Variants in CSMD2 observed in about 807,000 individuals in gnomAD.
The protein encoded by CSMD2 is CUB and sushi domain-containing protein 2.
A neutral mutation model predicts 398.5 loss-of-function variants in CSMD2; 130 were observed. The observed-to-expected ratio is 0.33, with a 90% CI of 0.28 to 0.38. The LOEUF (loss-of-function observed/expected upper bound fraction) is 0.38. CSMD2 is among the 10% of genes least tolerant of loss of function. The pLI, the probability that CSMD2 is intolerant of heterozygous loss-of-function variation, is 1.00. For synonymous variants in CSMD2, 1,828 were observed against 1,908.5 expected, an observed-to-expected ratio of 0.96 and a Z score of 1.10; for missense variants, 3,829 against 4,764.9, an observed-to-expected ratio of 0.80 and a Z score of 5.78.
chr1:33,765,019 T>C (rs1233855066), intron 13 of CSMD2, among the ~76,000 whole-genome samples: 1 of 152,200 alleles, frequency 6.6e-6, no homozygotes, highest in African/African-American at 2.4e-5. Context: ...TGCGAAGCAA[T>C]GCATGTGACC....
chr1:34,092,087 T>TA (rs1658636266), intron 1 of CSMD2, among the ~76,000 whole-genome samples: 1 of 152,024 alleles, frequency 6.6e-6, no homozygotes, highest in African/African-American at 2.4e-5. Context: ...CAATGACAGA[T>TA]AAAAATATAA....
At chr1:33,832,036 G>A (rs1421193389) in intron 6 of CSMD2, among the ~76,000 whole-genome samples, 1 of 151,256 alleles carries the variant, frequency 6.6e-6, no homozygotes, top group Non-Finnish European at 1.5e-5. Context: ...CCTACAAAGA[G>A]ACTTAGACTC....
intron 1 of CSMD2, among the ~76,000 whole-genome samples, chr1:34,131,348 G>A (rs367791304): frequency 1.1e-4 from 15 of 140,812 alleles, no homozygotes; most frequent in Non-Finnish European, 2.1e-4. Flanking sequence ...GTGCAGGAGA[G>A]GGGGGGGTCT....
chr1:34,045,446 T>C (rs1652409654), intron 2 of CSMD2, among the ~76,000 whole-genome samples: 1 of 152,240 alleles, frequency 6.6e-6, no homozygotes, highest in Non-Finnish European at 1.5e-5. Flanking sequence ...TTGCATTAGC[T>C]AGATATCTGC....
At chr1:33,696,541 G>A (rs946067734) in intron 24 of CSMD2, among the ~76,000 whole-genome samples, 1 of 152,184 alleles carries the variant, frequency 6.6e-6, no homozygotes, top group African/African-American at 2.4e-5. Context: ...CAATTGTGGG[G>A]AGGAGGCTTG....
intron 48 of CSMD2, among the ~76,000 whole-genome samples, 199 bp from the exon 49 acceptor site, chr1:33,577,683 G>GAAACA (rs1427524318): frequency 4.5e-4 from 68 of 151,828 alleles, no homozygotes; most frequent in African/African-American, 1.3e-3. Context: ...CAAAACAACG[G>GAAACA]AAACAAAACA....
chr1:33,635,184 C>T lies in CSMD2; in HGVS notation c.5086+30G>A, dbSNP rs762012549. 1 of 1,412,236 alleles carries T rather than the reference C, an allele frequency of 7.1e-7. No homozygotes were observed. Among genetic ancestry groups the T allele is most frequent in the Non-Finnish European group, 1.0e-6 (1 of 1,000,486 alleles). The allele number at this position is 1,412,236 out of a possible 1,614,324, so 87.5% of individuals were successfully genotyped here. ...GGAATGAGGGTGAGGAGTCAGAAAA[C>T]ATATGAACAACAACAACCAAAACCC... On this transcript the variant is annotated intron_variant, in intron 31 of 70. Coordinates refer to ENST00000373381, the MANE Select transcript of CSMD2 (RefSeq NM_001281956.2). The surrounding 1 kb of genome is among the most constrained non-coding windows in gnomAD (Gnocchi z 5.0).
Position 33,739,191 on chromosome 1 carries a change from C to T in CSMD2, c.2317G>A (p.Val773Ile), listed in dbSNP as rs779556893. Residue 773 changes from valine (V) to isoleucine (I), a missense_variant, in exon 15 of 71, where the codon GTC (valine) becomes ATC (isoleucine). Around this residue, in one of 5 missense-constraint regions of CSMD2, gnomAD observed 2,001 missense variants for 2,567.1 expected, o/e 0.78. Coordinates refer to ENST00000373381, the MANE Select transcript of CSMD2 (RefSeq NM_001281956.2). ...GTQGSETITC[V>I]LKEGSVVWNS... ...CAGACCACGCTGCCCTCCTTCAGGACGCAGGTGATGGTCTCTGAGCCCTGA... is the reference window on the plus strand; with the variant it reads ...CAGACCACGCTGCCCTCCTTCAGGATGCAGGTGATGGTCTCTGAGCCCTGA... The T allele has an allele frequency of 2.5e-5, 41 of 1,614,030 alleles. No homozygotes were observed. The highest frequency in any genetic ancestry group is 3.3e-4 in the Middle Eastern group (2 of 6,084).
intron 2 of CSMD2, among the ~76,000 whole-genome samples, chr1:34,079,450 A>T (rs1244335901): frequency 6.6e-6 from 1 of 152,256 alleles, no homozygotes; most frequent in Non-Finnish European, 1.5e-5. Context: ...TTTTTTAAAA[A>T]ACCCATTCAC....
At chr1:33,982,733 T>C (rs574581371) in intron 3 of CSMD2, among the ~76,000 whole-genome samples, 1 of 152,106 alleles carries the variant, frequency 6.6e-6, no homozygotes, top group African/African-American at 2.4e-5. Context: ...CAGGCAGAGA[T>C]GACCGCAAGG....
chr1:33,880,172 C>T (rs920840430), intron 5 of CSMD2, among the ~76,000 whole-genome samples: 3 of 152,066 alleles, frequency 2.0e-5, no homozygotes, highest in Admixed American at 1.3e-4. Context: ...TATTATATAC[C>T]AGGCACCCCA....
In CSMD2 at chr1:33,815,628, T is replaced by G. The variant is rs912290860; in HGVS notation, c.1324+4085A>C. ...AGGGTTTGAAATTCAACTCAACAGA[T>G]GTAGCTTTGTGCCCTTGGGCAAGTT... On this transcript the variant is annotated intron_variant, in intron 9 of 70. Transcript: ENST00000373381. Among the ~76,000 whole-genome samples, 7 of 152,376 alleles carry G rather than the reference T, an allele frequency of 4.6e-5. No homozygotes were observed. The South Asian group carries it at 1.4e-3, about 32-fold the overall frequency.
At chr1:34,087,136 A>T (rs1318017854) in intron 2 of CSMD2, among the ~76,000 whole-genome samples, 1 of 151,810 alleles carries the variant, frequency 6.6e-6, no homozygotes, top group Non-Finnish European at 1.5e-5. Context: ...TACCCTTTAC[A>T]TTTCCTGTGC....
chr1:33,625,868 G>A (rs1270636978), intron 33 of CSMD2, among the ~76,000 whole-genome samples: 1 of 152,186 alleles, frequency 6.6e-6, no homozygotes. Context: ...TGGGACCTGG[G>A]GGTGAAAACC....
chr1:33,950,305 T>C (rs1216032104), intron 3 of CSMD2, among the ~76,000 whole-genome samples: 1 of 151,830 alleles, frequency 6.6e-6, no homozygotes, highest in African/African-American at 2.4e-5. Flanking sequence ...GCCCCACCCA[T>C]GTCTCCAACT....
intron 10 of CSMD2, among the ~76,000 whole-genome samples, chr1:33,799,632 G>A (rs1490542131): frequency 6.6e-6 from 1 of 152,240 alleles, no homozygotes; most frequent in Non-Finnish European, 1.5e-5. Context: ...GGAAACATGG[G>A]TTGAGGAGTC....
At chr1:34,142,104 C>T (rs1444723223) in intron 1 of CSMD2, among the ~76,000 whole-genome samples, 6 of 152,138 alleles carry the variant, frequency 3.9e-5, no homozygotes, top group Non-Finnish European at 7.4e-5. Context: ...ACAGGGCCCA[C>T]CCCATACATG....
In CSMD2 at chr1:33,519,927, G is replaced by A. The variant is rs1454916776; in HGVS notation, c.10621C>T (p.Pro3541Ser). The change falls in exon 69 of 71, where the codon CCC becomes TCC. Residue 3541 changes from proline (P) to serine (S), a missense_variant. Physicochemically the swap from Pro to Ser is moderately conservative, Grantham distance 74 (BLOSUM62 -1). Around this residue, in one of 5 missense-constraint regions of CSMD2, gnomAD observed 917 missense variants for 1,199.5 expected, o/e 0.76. Transcript: ENST00000373381. The surrounding 1 kb of genome is among the most constrained non-coding windows in gnomAD (Gnocchi z 5.6). ...RLDLRLLESD[P>S]ESIGRHFASN... ...GCAAAGTGGCGGCCAATGGACTCGG[G>A]GTCTGACTCCAGCAGCCTGAGGTCT... 1.9e-6 allele frequency: 3 copies of A among 1,614,058 alleles called. No homozygotes were observed. The African/African-American group carries it at 4.0e-5, about 22-fold the overall frequency.
intron 2 of CSMD2, among the ~76,000 whole-genome samples, chr1:34,038,435 C>T (rs550410897): frequency 6.6e-6 from 1 of 152,346 alleles, no homozygotes; most frequent in South Asian, 2.1e-4. Context: ...CAATACTCAT[C>T]TTCTGCTTTA....
Sources: gnomAD v4.1 joint callset for allele counts (sites outside exome capture counted in the v4.1 genomes callset) on GRCh38, gnomAD v4.1.1 for gene constraint, gnomAD v4.1.1 regional missense constraint, Gnocchi (gnomAD v3.1) non-coding constraint, MANE v1.5 for transcripts, NCBI Gene and HGNC (gene_info 2026-07-23, HGNC 2026-07-21) for gene names.